PTK7: variants seen among roughly 807,000 people sequenced by gnomAD.
PTK7 encodes the protein protein tyrosine kinase 7 (inactive).
PTK7 carries 39 observed loss-of-function variants against 116.6 expected under a neutral mutation model. The observed-to-expected ratio is 0.33, with a 90% confidence interval of 0.26 to 0.44. PTK7 has a LOEUF of 0.44. Ranked by LOEUF, PTK7 falls within the 20% of genes least tolerant of loss-of-function variation. The probability of loss-of-function intolerance (pLI) is 1.00; values close to 1 mark genes in which losing one functional copy is unlikely to be tolerated. For synonymous variants in PTK7, 546 were observed against 563.6 expected, an observed-to-expected ratio of 0.97 and a Z score of 0.44; for missense variants, 1,169 against 1,425.6, an observed-to-expected ratio of 0.82 and a Z score of 2.90.
chr6:43,159,626 G>C (rs1771716125), intron 18 of PTK7, 162 bp from the exon 19 acceptor site: 1 of 678,478 alleles, frequency 1.5e-6, no homozygotes, highest in Admixed American at 2.3e-5. Context: ...ATTTTGTCTA[G>C]TGTACTCCCA....
At chr6:43,110,087 C>T (rs908182331) in intron 1 of PTK7, among the ~76,000 whole-genome samples, 1 of 149,886 alleles carries the variant, frequency 6.7e-6, no homozygotes, top group African/African-American at 2.5e-5. Flanking sequence ...ACCTCCGTCT[C>T]CTAGGTTCCA....
At chr6:43,090,117 A>T (rs993495304) in intron 1 of PTK7, among the ~76,000 whole-genome samples, 7 of 151,946 alleles carry the variant, frequency 4.6e-5, no homozygotes, top group African/African-American at 1.7e-4. Context: ...TTTCCAAGAG[A>T]CTCCCTTTTC....
chr6:43,144,783 G>A lies in PTK7; in HGVS notation c.2407+177G>A, dbSNP rs529319172. 395 of 670,594 alleles carry A rather than the reference G, an allele frequency of 5.9e-4. 7 individuals carry two copies. In the South Asian group the frequency reaches 7.7e-3, roughly 13 times the overall value. The allele number at this position is 670,594 out of a possible 1,614,324, so 41.5% of individuals were successfully genotyped here. On this transcript the variant is annotated intron_variant, in intron 15 of 19. Transcript: ENST00000230419. ...CAGAGCCTGTTATTCACTGCCCTTC[G>A]TGCAGATTTTGTCATTCCTGTGTAC...
rs759204076 is a variant in PTK7, at chr6:43,139,100, G to A, written c.1363-36G>A. On this transcript the variant is annotated intron_variant, in intron 8 of 19. Coordinates refer to ENST00000230419, the MANE Select transcript of PTK7 (RefSeq NM_002821.5). This position sits in a 1 kb window ranked among gnomAD's most constrained non-coding sequence, Gnocchi z 4.6. ...GCAGCCTCCAGGGAGAGGTGGGTGT[G>A]GGTTCAGGCTCTGAGGCCTCTCACC... is the stretch of plus-strand genomic sequence containing the variant. 3.1e-6 allele frequency: 5 copies of A among 1,613,008 alleles called. No homozygotes were observed. In the South Asian group the frequency reaches 5.5e-5, roughly 18 times the overall value.
chr6:43,157,358 A>ATT (rs1205979544), intron 17 of PTK7, among the ~76,000 whole-genome samples: 4 of 3,750 alleles, frequency 1.1e-3, no homozygotes, highest in Non-Finnish European at 2.3e-3. Context: ...ATATATATAT[A>ATT]TATATATTTT....
At chr6:43,100,429 A>G (rs1767509878) in intron 1 of PTK7, among the ~76,000 whole-genome samples, 2 of 140,754 alleles carry the variant, frequency 1.4e-5, no homozygotes, top group Admixed American at 1.4e-4. Context: ...AAAATGATAG[A>G]CATTACTACT....
At position 43,139,034 on chromosome 6, in the gene PTK7, C is replaced by G; in HGVS notation, c.1362+52C>G. On this transcript the variant is annotated intron_variant, in intron 8 of 19. Coordinates refer to ENST00000230419, the MANE Select transcript of PTK7 (RefSeq NM_002821.5). The surrounding 1 kb of genome is among the most constrained non-coding windows in gnomAD (Gnocchi z 4.6). ...ATGGGCGGGGCCTTCCCTCCACTTG[C>G]CCTCTTCTGTGCTCACCTCCATAGC... 1 of 1,607,036 alleles carries G rather than the reference C, an allele frequency of 6.2e-7. No individual in the cohort carries two copies. Among genetic ancestry groups the G allele is most frequent in the South Asian group, 1.1e-5 (1 of 90,410 alleles).
Position 43,144,497 on chromosome 6 carries a change from A to G in PTK7, c.2298A>G (p.Glu766=), listed in dbSNP as rs1016979260. Residue 766 remains glutamate (E), a synonymous_variant, in exon 15 of 20, where the codon GAA becomes GAG. Coordinates refer to ENST00000230419, the MANE Select transcript of PTK7 (RefSeq NM_002821.5). ...NGQPSAEIQE[E]VALTSLGSGP... is the part of the protein sequence containing the mutation. The stretch of plus-strand genomic sequence containing the variant: ...AGCCCTCAGCAGAGATCCAAGAAGA[A>G]GTGGCCTTGACCAGCTTGGGCTCCG... The G allele has an allele frequency of 4.3e-6, 7 of 1,614,142 alleles. No homozygotes were observed. The Admixed American group carries it at 1.2e-4, about 27-fold the overall frequency.
At position 43,129,315 on chromosome 6, in the gene PTK7, T is replaced by C. The variant is rs752262018; in HGVS notation, c.367+51T>C. ...GTCCCCCTGTCAGACCCTCAATGAC[T>C]GAGGCCTGGGGGATCCCTCCCTTAC... On this transcript the variant is annotated intron_variant, in intron 2 of 19. Transcript: ENST00000230419. This position sits in a 1 kb window ranked among gnomAD's most constrained non-coding sequence, Gnocchi z 4.5. 2.7e-5 allele frequency: 43 copies of C among 1,601,460 alleles called. No individual in the cohort carries two copies. Among genetic ancestry groups the C allele is most frequent in the Middle Eastern group, 1.7e-4 (1 of 6,046 alleles).
At position 43,129,701 on chromosome 6, in the gene PTK7, C is replaced by A. The variant is rs765038851; in HGVS notation, c.368-26C>A. On this transcript the variant is annotated intron_variant, in intron 2 of 19. Coordinates refer to ENST00000230419, the MANE Select transcript of PTK7 (RefSeq NM_002821.5). The surrounding 1 kb of genome is among the most constrained non-coding windows in gnomAD (Gnocchi z 4.5). ...CCCGCCTTTGCCCTGCTCTGCCCCT[C>A]ACTGCAACCGTGGCCTCTGCTACAG... is the stretch of plus-strand genomic sequence containing the variant. The A allele has an allele frequency of 1.2e-6, 2 of 1,605,944 alleles. No homozygotes were observed. Among genetic ancestry groups the A allele is most frequent in the Non-Finnish European group, 1.7e-6 (2 of 1,172,722 alleles).
intron 14 of PTK7, among the ~76,000 whole-genome samples, chr6:43,144,115 A>G (rs1770586863): frequency 6.6e-6 from 1 of 152,160 alleles, no homozygotes; most frequent in Non-Finnish European, 1.5e-5. Flanking sequence ...GTGCCTGTTT[A>G]GGGCTTTGCC....
chr6:43,134,301 A>G (rs1004570138), intron 7 of PTK7, among the ~76,000 whole-genome samples: 2 of 152,048 alleles, frequency 1.3e-5, no homozygotes, highest in African/African-American at 2.4e-5. Flanking sequence ...GGCCTCCTAA[A>G]GTGCTGGGAT....
At chr6:43,080,407 T>C (rs1766313406) in intron 1 of PTK7, among the ~76,000 whole-genome samples, 1 of 152,236 alleles carries the variant, frequency 6.6e-6, no homozygotes, top group Non-Finnish European at 1.5e-5. Context: ...ATGGAAATGC[T>C]ATGTAAATAA....
rs567134641 is a variant in PTK7 at position 43,138,887 on chromosome 6, C to T, written c.1267C>T (p.Leu423=). The T allele has an allele frequency of 6.8e-6, 11 of 1,614,156 alleles. No individual in the cohort carries two copies. The Admixed American group carries it at 1.7e-4, about 24-fold the overall frequency. ...GCTGAAGAAGCCCCAAGACAGCCAG[C>T]TGGAGGAGGGCAAACCCGGCTACTT... is the stretch of plus-strand genomic sequence containing the variant. The part of the protein sequence containing the change: ...SWLKKPQDSQ[L]EEGKPGYLDC... The change falls in exon 8 of 20, where the codon CTG becomes TTG. Residue 423 remains leucine (L), a synonymous_variant. Transcript: ENST00000230419.
rs72414606 is a variant in PTK7, at chr6:43,093,183, CTTTTTTTTT to C, written c.79+16631_79+16639del. 5.4e-4 allele frequency among the ~76,000 whole-genome samples: 46 copies of C among 84,782 alleles called. 1 individual carries two copies. Among genetic ancestry groups the C allele is most frequent in the South Asian group, 8.9e-4 (2 of 2,256 alleles). The allele number at this position is 84,782 out of a possible 152,430, so 55.6% of individuals were successfully genotyped here. ...AGTGACTCTCTAATGATAGGATCTCCTTTTTTTTTTTTTTTTTTTTTTTGAGACGGAGTT... is the reference window on the plus strand; with the variant it reads ...AGTGACTCTCTAATGATAGGATCTCCTTTTTTTTTTTTTTGAGACGGAGTT... On this transcript the variant is annotated intron_variant, in intron 1 of 19. Transcript: ENST00000230419.
intron 1 of PTK7, among the ~76,000 whole-genome samples, chr6:43,115,834 G>C (rs1016595605): frequency 5.3e-5 from 8 of 151,318 alleles, no homozygotes; most frequent in Admixed American, 2.0e-4. Flanking sequence ...AGGCTGAGAT[G>C]GGAGAATTGC....
At chr6:43,132,355 G>A in intron 6 of PTK7, 66 bp from the exon 7 acceptor site, 1 of 1,523,918 alleles carries the variant, frequency 6.6e-7, no homozygotes, top group African/African-American at 1.4e-5. Flanking sequence ...GGCTTGCTGT[G>A]GGAGAACATC....
chr6:43,133,999 C>G (rs868815644), intron 7 of PTK7, among the ~76,000 whole-genome samples: 1 of 152,204 alleles, frequency 6.6e-6, no homozygotes, highest in African/African-American at 2.4e-5. Flanking sequence ...AAGCCTTCCT[C>G]CAGTTGAGGT....
Position 43,076,920 on chromosome 6 carries a change from G to A in PTK7, c.79+353G>A. 2 of 1,515,138 alleles carry A rather than the reference G, an allele frequency of 1.3e-6. No homozygotes were observed. The highest frequency in any genetic ancestry group is 1.8e-6 in the Non-Finnish European group (2 of 1,132,186). 93.9% of individuals were successfully genotyped at this position (1,515,138 alleles called of 1,614,324 possible). On this transcript the variant is annotated intron_variant, in intron 1 of 19. Transcript: ENST00000230419. This position sits in a 1 kb window ranked among gnomAD's most constrained non-coding sequence, Gnocchi z 5.7. ...CTTGTCGGGGGAGAAAAGACCATCC[G>A]CACCCACCGTGGGGAGCGCGATGGA... is the stretch of plus-strand genomic sequence containing the variant.
Sources: allele counts gnomAD v4.1 joint callset (sites outside exome capture counted in the v4.1 genomes callset), GRCh38; gene constraint gnomAD v4.1.1; non-coding constraint Gnocchi (gnomAD v3.1); transcripts MANE v1.5; gene names NCBI Gene and HGNC (gene_info 2026-07-23, HGNC 2026-07-21).